Variants in ZNF420 observed in about 807,000 individuals in gnomAD.
The protein encoded by ZNF420 is ATM and p53-associated KZNF protein.
In ZNF420, 31 loss-of-function variants were observed where a neutral mutation model predicts 44.7. The ratio of observed to expected loss-of-function variants is 0.69; its 90% confidence interval spans 0.52 to 0.94. ZNF420 has a LOEUF of 0.94. Among genes scored for constraint, ZNF420 ranks in the 40% least tolerant of loss-of-function variants. ZNF420 has a pLI of 0.00. For synonymous variants in ZNF420, 245 were observed against 267.4 expected, an observed-to-expected ratio of 0.92 and a Z score of 0.82; for missense variants, 681 against 827.9, an observed-to-expected ratio of 0.82 and a Z score of 2.18.
chr19:37,057,147 G>A (rs946084329), intron 1 of ZNF420, among the ~76,000 whole-genome samples: 20 of 152,190 alleles, frequency 1.3e-4, no homozygotes, highest in Non-Finnish European at 2.4e-4. Flanking sequence ...ACCTCTCCAC[G>A]GGGGCGACAG....
At chr19:37,109,047 G>T (rs1288137883) in intron 4 of ZNF420, among the ~76,000 whole-genome samples, 2 of 152,190 alleles carry the variant, frequency 1.3e-5, no homozygotes, top group African/African-American at 4.8e-5. Context: ...TGTGGCCTGA[G>T]TGACATTCCG....
Position 37,083,042 on chromosome 19 carries a change from G to A in ZNF420, c.-81+2654G>A, listed in dbSNP as rs561651416. Among the ~76,000 whole-genome samples, 10 of 110,144 alleles carry A rather than the reference G, an allele frequency of 9.1e-5. No individual in the cohort carries two copies. In the South Asian group the frequency reaches 2.6e-3, roughly 29 times the overall value. 72.3% of individuals were successfully genotyped at this position (110,144 alleles called of 152,430 possible). On this transcript the variant is annotated intron_variant, in intron 2 of 4. Transcript: ENST00000337995. ...TGCCCAGCTAATTTTTTGTATTTTAGTAGAGACAGGGTTTCACCATGTTGG... is the reference window on the plus strand; with the variant it reads ...TGCCCAGCTAATTTTTTGTATTTTAATAGAGACAGGGTTTCACCATGTTGG...
intron 4 of ZNF420, among the ~76,000 whole-genome samples, chr19:37,098,859 G>T (rs534231833): frequency 6.6e-6 from 1 of 152,138 alleles, no homozygotes; most frequent in African/African-American, 2.4e-5. Context: ...CTCAGCATCT[G>T]GTAACCACTG....
chr19:37,089,038 G>C lies in ZNF420; in HGVS notation c.-80-1G>C. Reference sequence around the variant, plus strand: ...TCATGGTTCTGCTTTCTCCTCCGTAGCTCTGCATTCTCCAGACTCTGTGCT... The same window carrying C: ...TCATGGTTCTGCTTTCTCCTCCGTACCTCTGCATTCTCCAGACTCTGTGCT... On this transcript the variant is annotated splice_acceptor_variant, in intron 2 of 4. Coordinates refer to ENST00000337995, the MANE Select transcript of ZNF420 (RefSeq NM_144689.5). LOFTEE classifies it low-confidence loss of function (5UTR_SPLICE). The C allele has an allele frequency of 2.4e-6, 3 of 1,267,690 alleles. No homozygotes were observed. The highest frequency in any genetic ancestry group is 3.5e-6 in the Non-Finnish European group (3 of 863,796). 78.5% of individuals were successfully genotyped at this position (1,267,690 alleles called of 1,614,324 possible). A position where few individuals can be genotyped will look rare whatever the true frequency, so the allele number is the denominator to read the frequency against.
chr19:37,058,223 G>A (rs142141305), intron 1 of ZNF420, among the ~76,000 whole-genome samples: 289 of 152,180 alleles, frequency 1.9e-3, no homozygotes, highest in African/African-American at 6.5e-3. Flanking sequence ...TGATTCGGCC[G>A]GTTTGACTAT....
chr19:37,104,933 T>C (rs139500119), intron 4 of ZNF420, among the ~76,000 whole-genome samples: 36,018 of 152,146 alleles, frequency 0.24, 4,952 homozygotes, highest in Non-Finnish European at 0.32. Flanking sequence ...AAACATTTTC[T>C]CCCATTCTTT....
rs1432638113 is a variant in ZNF420, at chr19:37,129,918, G to C, written c.*860G>C. 7.6e-7 allele frequency: 1 copy of C among 1,309,170 alleles called. No individual in the cohort carries two copies. Among genetic ancestry groups the C allele is most frequent in the African/African-American group, 1.5e-5 (1 of 66,292 alleles). The allele number at this position is 1,309,170 out of a possible 1,614,324, so 81.1% of individuals were successfully genotyped here. A position where few individuals can be genotyped will look rare whatever the true frequency, so the allele number is the denominator to read the frequency against. Reference sequence around the variant, plus strand: ...TGCTTTTGAAGTAAACAAAATAACTGATATTACAGACTATTTTGCAATGAA... The same window carrying C: ...TGCTTTTGAAGTAAACAAAATAACTCATATTACAGACTATTTTGCAATGAA... On this transcript the variant is annotated 3_prime_UTR_variant, in exon 5 of 5. Transcript: ENST00000337995.
Position 37,129,521 on chromosome 19 carries a change from T to C in ZNF420, c.*463T>C, listed in dbSNP as rs1971549186. On this transcript the variant is annotated 3_prime_UTR_variant, in exon 5 of 5. Transcript: ENST00000337995. ...CATACCACAAATATTAGCTACCATT[T>C]TCACTAGTGTTATTTTAGAGAATTT... The C allele has an allele frequency of 6.1e-6, 1 of 163,286 alleles. No homozygotes were observed. Among genetic ancestry groups the C allele is most frequent in the Non-Finnish European group, 1.3e-5 (1 of 74,690 alleles). The allele number at this position is 163,286 out of a possible 1,614,324, so 10.1% of individuals were successfully genotyped here.
chr19:37,042,014 A>G (rs770908549), intron 1 of ZNF420, among the ~76,000 whole-genome samples: 2 of 151,942 alleles, frequency 1.3e-5, no homozygotes, highest in African/African-American at 2.4e-5. Flanking sequence ...TTTTCTTTTT[A>G]ATGGAGACGA....
At chr19:37,033,432 G>C (rs755968250) in intron 1 of ZNF420, among the ~76,000 whole-genome samples, 1 of 152,088 alleles carries the variant, frequency 6.6e-6, no homozygotes, top group Non-Finnish European at 1.5e-5. Flanking sequence ...TGACATGCTC[G>C]ATACCTCATA....
intron 4 of ZNF420, among the ~76,000 whole-genome samples, chr19:37,103,416 C>G (rs1016777834): frequency 1.3e-5 from 2 of 151,928 alleles, no homozygotes; most frequent in Admixed American, 1.3e-4. Context: ...ATATTCTATT[C>G]TCTACTATGA....
chr19:37,125,690 C>T (rs1213047387), intron 4 of ZNF420, among the ~76,000 whole-genome samples: 2 of 152,098 alleles, frequency 1.3e-5, no homozygotes, highest in Non-Finnish European at 2.9e-5. Context: ...TGCTAGACAT[C>T]ACAAAGAAAA....
chr19:37,024,172 C>T (rs1052384014), intron 1 of ZNF420, among the ~76,000 whole-genome samples: 2 of 152,118 alleles, frequency 1.3e-5, no homozygotes, highest in African/African-American at 4.8e-5. Context: ...CCACCGAATG[C>T]CCATCGGAAA....
At chr19:37,057,272 G>C (rs887459798) in intron 1 of ZNF420, among the ~76,000 whole-genome samples, 11 of 152,220 alleles carry the variant, frequency 7.2e-5, no homozygotes, top group African/African-American at 2.4e-4. Flanking sequence ...GACGGGGATC[G>C]GGTGAGCCTC....
chr19:37,023,277 A>G (rs562744166), intron 1 of ZNF420, among the ~76,000 whole-genome samples: 1 of 152,358 alleles, frequency 6.6e-6, no homozygotes, highest in South Asian at 2.1e-4. Flanking sequence ...GAGCAATGCA[A>G]TGCTTTCCTA....
rs141473377 is a variant in ZNF420, at chr19:37,018,851, C to T, written c.-125+10769C>T. On this transcript the variant is annotated intron_variant, in intron 1 of 4. Coordinates refer to the ZNF420 transcript ENST00000587029. ...TCCCAAAATGCTGGGATTACAGGCA[C>T]AAGTCACTGTGCCCAGCCAAAGTTG... is the stretch of plus-strand genomic sequence containing the variant. 3.2e-3 allele frequency among the ~76,000 whole-genome samples: 489 copies of T among 152,214 alleles called. 5 individuals are homozygous for T. Among genetic ancestry groups the T allele is most frequent in the African/African-American group, 0.011 (470 of 41,530 alleles).
In ZNF420 at chr19:37,127,544, C is replaced by T; in HGVS notation, c.553C>T (p.His185Tyr). 7 of 1,613,920 alleles carry T rather than the reference C, an allele frequency of 4.3e-6. No individual in the cohort carries two copies. The highest frequency in any genetic ancestry group is 5.1e-6 in the Non-Finnish European group (6 of 1,179,850). ...AFSRDSQLSL[H>Y]QRLHTGEKPY... ...TAGTCGTGATTCACAACTCAGTCTT[C>T]ATCAGAGACTTCATACTGGTGAGAA... The change falls in exon 5 of 5, where the codon CAT (histidine) becomes TAT (tyrosine). Residue 185 changes from histidine to tyrosine, a missense_variant. Physicochemically the swap from His to Tyr is moderately conservative, Grantham distance 83. Coordinates refer to ENST00000337995, the MANE Select transcript of ZNF420 (RefSeq NM_144689.5).
At position 37,089,055 on chromosome 19, in the gene ZNF420, C is replaced by T. The variant is rs1968986836; in HGVS notation, c.-64C>T. 4 of 1,501,672 alleles carry T rather than the reference C, an allele frequency of 2.7e-6. No homozygotes were observed. The highest frequency in any genetic ancestry group is 3.7e-6 in the Non-Finnish European group (4 of 1,077,378). The allele number at this position is 1,501,672 out of a possible 1,614,324, so 93.0% of individuals were successfully genotyped here. A position where few individuals can be genotyped will look rare whatever the true frequency, so the allele number is the denominator to read the frequency against. On this transcript the variant is annotated 5_prime_UTR_variant, in exon 3 of 5. Coordinates refer to ENST00000337995, the MANE Select transcript of ZNF420 (RefSeq NM_144689.5). ...CCTCCGTAGCTCTGCATTCTCCAGA[C>T]TCTGTGCTTTCCTAAGATAGGAACC... is the stretch of plus-strand genomic sequence containing the variant.
chr19:37,014,712 C>T (rs1291810601), intron 1 of ZNF420, among the ~76,000 whole-genome samples: 1 of 152,228 alleles, frequency 6.6e-6, no homozygotes, highest in Non-Finnish European at 1.5e-5. Context: ...AAGCTCTGAG[C>T]CAGGGCTGGC....
Sources: gnomAD v4.1 joint callset for allele counts (sites outside exome capture counted in the v4.1 genomes callset) on GRCh38, gnomAD v4.1.1 for gene constraint, MANE v1.5 for transcripts, NCBI Gene and HGNC (gene_info 2026-07-23, HGNC 2026-07-21) for gene names.